FBF1: variants seen among roughly 807,000 people sequenced by gnomAD.
FBF1 encodes the protein fas-binding factor 1.
Under a neutral mutation model 147.2 loss-of-function variants are expected in FBF1, and 119 were observed. That is an observed-to-expected ratio of 0.81 (90% CI 0.70 to 0.94). The LOEUF is 0.94. FBF1 is among the 40% of genes least tolerant of loss of function. The pLI is 0.00. For missense variants in FBF1, 1,449 were observed against 1,500.8 expected (o/e 0.97, Z 0.57); for synonymous variants, 601 against 609.0 (o/e 0.99, Z 0.19).
chr17:75,928,190 G>C lies in FBF1; in HGVS notation c.283C>G (p.Leu95Val). 6.2e-7 allele frequency: 1 copy of C among 1,613,748 alleles called. No individual in the cohort carries two copies. Among genetic ancestry groups the C allele is most frequent in the Non-Finnish European group, 8.5e-7 (1 of 1,179,782 alleles). ...PQALLQAMKDLDGMDADILGL... is the reference protein window; with the variant it reads ...PQALLQAMKDVDGMDADILGL... ...AAGATATCAGCATCCATGCCGTCCA[G>C]GTCCTAGAAAACCAGGGAGGGAGGG... is the stretch of plus-strand genomic sequence containing the variant. The change falls in exon 8 of 30, where the codon CTG becomes GTG. Residue 95 changes from leucine (L) to valine (V), a missense_variant. By Grantham distance (32) the Leu-to-Val change is conservative. Coordinates refer to ENST00000636174, the MANE Select transcript of FBF1 (RefSeq NM_001319193.2). The surrounding 1 kb of genome is among the most constrained non-coding windows in gnomAD (Gnocchi z 4.2).
rs1330142090 is a variant in FBF1, at chr17:75,921,260, GGCTCTGTGGGTTTCT to G, written c.1643_1657del (p.Gln548_Glu552del). ...CACCCCTACCTGGACGGGCACGGAA[GGCTCTGTGGGTTTCT>G]GGGTGCTCGGGAAACACGTGGCAGG... On this transcript the variant is annotated inframe_deletion, in exon 17 of 30. Transcript: ENST00000636174. 2.5e-6 allele frequency: 4 copies of G among 1,591,302 alleles called. No homozygotes were observed. In the African/African-American group the frequency reaches 5.4e-5, roughly 21 times the overall value.
In FBF1 at chr17:75,914,289, C is replaced by G. The variant is rs1291263052; in HGVS notation, c.2824G>C (p.Glu942Gln). 1 of 1,591,100 alleles carries G rather than the reference C, an allele frequency of 6.3e-7. No homozygotes were observed. The highest frequency in any genetic ancestry group is 1.1e-5 in the South Asian group (1 of 88,030). Residue 942 changes from glutamate to glutamine, a missense_variant, in exon 26 of 30, where the codon GAG becomes CAG. Glu to Gln is a conservative substitution (Grantham distance 29, BLOSUM62 2). Transcript: ENST00000636174. ...TLISLAKEQAELKIRASELRA... is the reference protein window; with the variant it reads ...TLISLAKEQAQLKIRASELRA... ...AGCTCGCTGGCCCTGATCTTCAGCT[C>G]AGCCTGCTCCTGGAGACAGCGGAGG...
chr17:75,931,407 G>C lies in FBF1; in HGVS notation c.168-118C>G, dbSNP rs1385275939. The C allele has an allele frequency of 4.9e-6, 4 of 820,446 alleles. No individual in the cohort carries two copies. In the African/African-American group the frequency reaches 5.2e-5, roughly 11 times the overall value. The allele number at this position is 820,446 out of a possible 1,614,324, so 50.8% of individuals were successfully genotyped here. On this transcript the variant is annotated intron_variant, in intron 5 of 29. Transcript: ENST00000636174. ...CGGATAGGTCTCTCCGGAGAACAGA[G>C]GTGCTAAAAGGAATGTCACAGGCCA... is the stretch of plus-strand genomic sequence containing the variant.
rs546285586 is a variant in FBF1 at position 75,923,610 on chromosome 17, T to C, written c.1000A>G (p.Lys334Glu). ...CTCTGTTTGGAGCCTGGTTCTCCCT[T>C]GGGGTCTGCGCCACTGTCTGCGAAG... ...RFFADSGADP[K>E]GEPGSKQSPP... Residue 334 changes from lysine (K) to glutamate (E), a missense_variant, in exon 14 of 30, where the codon AAG (lysine) becomes GAG (glutamate). Transcript: ENST00000636174. This position sits in a 1 kb window ranked among gnomAD's most constrained non-coding sequence, Gnocchi z 4.1. 7 of 1,609,836 alleles carry C rather than the reference T, an allele frequency of 4.3e-6. No homozygotes were observed. The African/African-American group carries it at 6.7e-5, about 15-fold the overall frequency.
intron 10 of FBF1, 60 bp from the exon 11 acceptor site, chr17:75,926,486 A>G: frequency 2.0e-6 from 3 of 1,487,782 alleles, no homozygotes; most frequent in Admixed American, 2.4e-5. Context: ...GTGATATCTG[A>G]ATGGGGTTGG....
rs1319921278 is a variant in FBF1 at position 75,923,459 on chromosome 17, A to C, written c.1151T>G (p.Val384Gly). The C allele has an allele frequency of 6.2e-7, 1 of 1,609,334 alleles. No individual in the cohort carries two copies. The highest frequency in any genetic ancestry group is 8.5e-7 in the Non-Finnish European group (1 of 1,178,158). ...AGGAGGCACTGAGGGCGTGACAGGC[A>C]CTGAACTTTCCCGATGGGCCTCTCT... is the stretch of plus-strand genomic sequence containing the variant. ...PTREAHRESS[V>G]PVTPSVPPPA... is the part of the protein sequence containing the mutation. The change falls in exon 14 of 30, where the codon GTG (valine) becomes GGG (glycine). Residue 384 changes from valine to glycine, a missense_variant. By Grantham distance (109) the Val-to-Gly change is moderately radical (BLOSUM62 -3). Coordinates refer to ENST00000636174, the MANE Select transcript of FBF1 (RefSeq NM_001319193.2). This position sits in a 1 kb window ranked among gnomAD's most constrained non-coding sequence, Gnocchi z 4.1.
intron 25 of FBF1, 143 bp from the exon 26 acceptor site, chr17:75,914,441 TG>T: frequency 7.6e-7 from 1 of 1,310,848 alleles, no homozygotes; most frequent in Non-Finnish European, 1.0e-6. Context: ...CAGAGAAGCC[TG>T]GGGCCAAGCC....
intron 29 of FBF1, among the ~76,000 whole-genome samples, chr17:75,911,630 T>C (rs1247258197): frequency 3.3e-5 from 5 of 152,184 alleles, no homozygotes; most frequent in Non-Finnish European, 7.4e-5. Flanking sequence ...GTGATCCTCT[T>C]ACCTCAGCCT....
In FBF1 at chr17:75,926,045, ACTT is replaced by A; in HGVS notation, c.850_852del (p.Lys284del). The A allele has an allele frequency of 6.2e-7, 1 of 1,611,358 alleles. No individual in the cohort carries two copies. Among genetic ancestry groups the A allele is most frequent in the Non-Finnish European group, 8.5e-7 (1 of 1,179,536 alleles). ...GCCTCCTTACCCTGTGGCCTCTGGT[ACTT>A]CTTGTCTAGCTTGAACTCCCTGTGC... is the stretch of plus-strand genomic sequence containing the variant. On this transcript the variant is annotated inframe_deletion, in exon 12 of 30. Coordinates refer to ENST00000636174, the MANE Select transcript of FBF1 (RefSeq NM_001319193.2).
intron 7 of FBF1, among the ~76,000 whole-genome samples, chr17:75,929,419 G>C (rs1204619394): frequency 6.6e-6 from 1 of 152,128 alleles, no homozygotes; most frequent in African/African-American, 2.4e-5. Context: ...CCTAGGGACT[G>C]TGGCAAAATG....
chr17:75,912,390 C>T, intron 28 of FBF1, 83 bp from the exon 29 acceptor site: 2 of 1,068,066 alleles, frequency 1.9e-6, no homozygotes, highest in Non-Finnish European at 1.3e-6. Context: ...CAGAGCTGCT[C>T]CCCCCGCCAG....
chr17:75,910,399 A>G lies in FBF1; in HGVS notation c.*324T>C. Reference sequence around the variant, plus strand: ...TACCTGTGGAGCAGGGGGAGCCCACAGAGCCCAGGGGGAGCCCACAGAGCC... The same window carrying G: ...TACCTGTGGAGCAGGGGGAGCCCACGGAGCCCAGGGGGAGCCCACAGAGCC... On this transcript the variant is annotated 3_prime_UTR_variant, in exon 30 of 30. Transcript: ENST00000636174. The surrounding 1 kb of genome is among the most constrained non-coding windows in gnomAD (Gnocchi z 4.1). 2.7e-6 allele frequency: 1 copy of G among 370,900 alleles called. No individual in the cohort carries two copies. The highest frequency in any genetic ancestry group is 5.0e-6 in the Non-Finnish European group (1 of 199,856). The allele number at this position is 370,900 out of a possible 1,614,324, so 23.0% of individuals were successfully genotyped here.
At chr17:75,936,538 G>A (rs1212422051) in intron 3 of FBF1, among the ~76,000 whole-genome samples, 1 of 151,954 alleles carries the variant, frequency 6.6e-6, no homozygotes, top group African/African-American at 2.4e-5. Context: ...AGCCGGGCAT[G>A]GTGACACATG....
intron 3 of FBF1, 138 bp downstream of exon 3, chr17:75,937,428 C>T (rs1220705799): frequency 1.1e-6 from 1 of 902,462 alleles, no homozygotes; most frequent in Non-Finnish European, 1.8e-6. Flanking sequence ...CCTCGGCCTC[C>T]CAAAGCGCTG....
At chr17:75,912,680 G>A (rs1315480442) in intron 28 of FBF1, among the ~76,000 whole-genome samples, 2 of 152,198 alleles carry the variant, frequency 1.3e-5, no homozygotes, top group East Asian at 1.9e-4. Flanking sequence ...CCTGTTCCAC[G>A]TGTACATTAC....
chr17:75,930,780 G>T (rs1279620662), intron 6 of FBF1, among the ~76,000 whole-genome samples: 1 of 152,178 alleles, frequency 6.6e-6, no homozygotes, highest in Non-Finnish European at 1.5e-5. Context: ...AAATCAGCCA[G>T]GCGTGGTGGT....
chr17:75,914,048 C>T lies in FBF1; in HGVS notation c.2994G>A (p.Val998=), dbSNP rs765856394. Residue 998 remains valine, a splice_region_variant and synonymous_variant, in exon 27 of 30, where the codon GTG becomes GTA. Coordinates refer to ENST00000636174, the MANE Select transcript of FBF1 (RefSeq NM_001319193.2). ...RAEEVESMSK[V]ASEKYEEGER... ...CCCCCTCCTCGTACTTCTCGGAGGC[C>T]ACCTGCAGGGAGGCCGCCTGGGTCA... is the stretch of plus-strand genomic sequence containing the variant. The T allele has an allele frequency of 6.3e-6, 10 of 1,591,108 alleles. No homozygotes were observed. In the Admixed American group the frequency reaches 1.5e-4, roughly 24 times the overall value.
intron 5 of FBF1, 77 bp downstream of exon 5, chr17:75,932,918 A>T (rs1473110095): frequency 1.0e-5 from 9 of 888,078 alleles, no homozygotes; most frequent in Admixed American, 2.8e-5. Context: ...AATGTGAAGT[A>T]GAAAGTGGGG....
At position 75,940,979 on chromosome 17, in the gene FBF1, G is replaced by A. The variant is rs1304521172; in HGVS notation, c.-215C>T. On this transcript the variant is annotated 5_prime_UTR_variant, in exon 1 of 30. Transcript: ENST00000636174. ...CCAGCGCCGGCCCTGGCTCCATTCG[G>A]GTCGCCCAGCCCGGCCAGGACTGGC... 6.6e-6 allele frequency: 1 copy of A among 152,276 alleles called. No individual in the cohort carries two copies. Among genetic ancestry groups the A allele is most frequent in the Non-Finnish European group, 1.5e-5 (1 of 68,072 alleles). 9.4% of individuals were successfully genotyped at this position (152,276 alleles called of 1,614,324 possible). A position where few individuals can be genotyped will look rare whatever the true frequency, so the allele number is the denominator to read the frequency against.
Sources: gnomAD v4.1 joint callset for allele counts (sites outside exome capture counted in the v4.1 genomes callset) on GRCh38, gnomAD v4.1.1 for gene constraint, Gnocchi (gnomAD v3.1) non-coding constraint, MANE v1.5 for transcripts, NCBI Gene and HGNC (gene_info 2026-07-23, HGNC 2026-07-21) for gene names.